UBAC1: variants seen among roughly 807,000 people sequenced by gnomAD.
The protein encoded by UBAC1 is ubiquitin-associated domain-containing protein 1.
A neutral mutation model predicts 45.9 loss-of-function variants in UBAC1; 27 were observed. The observed-to-expected ratio is 0.59, with a 90% CI of 0.43 to 0.81. The LOEUF (loss-of-function observed/expected upper bound fraction) is 0.81, where lower values mean the gene tolerates loss of function less well. Ranked by LOEUF, UBAC1 falls within the 30% of genes least tolerant of loss-of-function variation. UBAC1 has a pLI of 0.00. For missense variants in UBAC1, 529 were observed against 539.2 expected, an observed-to-expected ratio of 0.98 and a Z score of 0.19; for synonymous variants, 227 against 215.5, an observed-to-expected ratio of 1.05 and a Z score of -0.47.
chr9:135,945,262 G>C lies in UBAC1; in HGVS notation c.654-12C>G. 2.6e-6 allele frequency: 4 copies of C among 1,564,112 alleles called. No homozygotes were observed. The highest frequency in any genetic ancestry group is 3.5e-6 in the Non-Finnish European group (4 of 1,154,722). Reference sequence around the variant, plus strand: ...GAGGCACCGACATGCTGCAAGGCAAGAGACTCTTTCCAACATCCCCAGACT... The same window carrying C: ...GAGGCACCGACATGCTGCAAGGCAACAGACTCTTTCCAACATCCCCAGACT... On this transcript the variant is annotated splice_polypyrimidine_tract_variant and intron_variant, in intron 6 of 9. Coordinates refer to ENST00000371756, the MANE Select transcript of UBAC1 (RefSeq NM_016172.3).
At chr9:135,949,922 A>G (rs1343254302) in intron 3 of UBAC1, among the ~76,000 whole-genome samples, 1 of 152,220 alleles carries the variant, frequency 6.6e-6, no homozygotes, top group African/African-American at 2.4e-5. Context: ...GAGAGATTCA[A>G]CACTTCAGAA....
intron 7 of UBAC1, 142 bp from the exon 8 acceptor site, chr9:135,939,901 T>C: frequency 1.5e-6 from 1 of 676,892 alleles, no homozygotes; most frequent in East Asian, 2.5e-5. Context: ...TCCACGTTCT[T>C]TCCTCACAGC....
At chr9:135,959,359 G>T (rs1481661260) in intron 1 of UBAC1, among the ~76,000 whole-genome samples, 1 of 147,082 alleles carries the variant, frequency 6.8e-6, no homozygotes, top group East Asian at 2.0e-4. Flanking sequence ...AAGTTTCTAG[G>T]GTTTTTTGTC....
chr9:135,958,120 C>A (rs1839489841), intron 1 of UBAC1, among the ~76,000 whole-genome samples: 2 of 150,306 alleles, frequency 1.3e-5, no homozygotes, highest in South Asian at 4.2e-4. Flanking sequence ...GATCTCGGCT[C>A]ACTGCAAGTC....
chr9:135,938,050 C>T (rs2131081046), intron 9 of UBAC1, among the ~76,000 whole-genome samples, 172 bp downstream of exon 9: 1 of 152,312 alleles, frequency 6.6e-6, no homozygotes, highest in African/African-American at 2.4e-5. Context: ...CCCACAGTGA[C>T]GTAGCGGGAC....
chr9:135,948,013 G>A (rs1802839006), intron 3 of UBAC1, 108 bp from the exon 4 acceptor site: 4 of 1,023,072 alleles, frequency 3.9e-6, no homozygotes, highest in Middle Eastern at 2.1e-4. Flanking sequence ...GTCTCCTTTA[G>A]GAGCCAGAGG....
chr9:135,940,332 C>A lies in UBAC1; in HGVS notation c.877-573G>T, dbSNP rs188244004. On this transcript the variant is annotated intron_variant, in intron 7 of 9. Coordinates refer to ENST00000371756, the MANE Select transcript of UBAC1 (RefSeq NM_016172.3). ...CGGTGGCTCACACCTGTAATCCCAG[C>A]ACTTTGGGAGGCCGAGGCAGGCGGA... is the stretch of plus-strand genomic sequence containing the variant. Among the ~76,000 whole-genome samples, 215 of 151,784 alleles carry A rather than the reference C, an allele frequency of 1.4e-3. 2 individuals carry two copies. Among genetic ancestry groups the A allele is most frequent in the Admixed American group, 0.013 (198 of 15,270 alleles).
chr9:135,933,676 CCA>C (rs1331131620), intron 9 of UBAC1, among the ~76,000 whole-genome samples, 161 bp from the exon 10 acceptor site: 1 of 152,170 alleles, frequency 6.6e-6, no homozygotes, highest in Non-Finnish European at 1.5e-5. Flanking sequence ...AGGCTGAAAC[CCA>C]CCCAACTCCA....
chr9:135,943,773 T>C (rs1170939208), intron 7 of UBAC1, among the ~76,000 whole-genome samples: 1 of 152,208 alleles, frequency 6.6e-6, no homozygotes, highest in Non-Finnish European at 1.5e-5. Context: ...ATATACACCA[T>C]GGAATACTAT....
At chr9:135,939,180 G>A (rs1005719480) in intron 8 of UBAC1, among the ~76,000 whole-genome samples, 2 of 149,912 alleles carry the variant, frequency 1.3e-5, no homozygotes, top group African/African-American at 4.9e-5. Flanking sequence ...CAGCCTGGGG[G>A]ACAGAGTGAG....
intron 8 of UBAC1, 96 bp downstream of exon 8, chr9:135,939,577 C>G: frequency 8.1e-7 from 1 of 1,240,732 alleles, no homozygotes; most frequent in Middle Eastern, 2.0e-4. Context: ...CACACTCACT[C>G]ACCACAGCCC....
chr9:135,933,869 A>T (rs973030523), intron 9 of UBAC1, among the ~76,000 whole-genome samples: 1 of 152,202 alleles, frequency 6.6e-6, no homozygotes, highest in Non-Finnish European at 1.5e-5. Context: ...CGAGAAGGTC[A>T]GCAGATGCAG....
intron 7 of UBAC1, among the ~76,000 whole-genome samples, chr9:135,940,599 C>G (rs1839258924): frequency 6.6e-6 from 1 of 151,020 alleles, no homozygotes; most frequent in Non-Finnish European, 1.5e-5. Context: ...AAAAAAAAAT[C>G]CTAAAACTAA....
rs767849206 is a variant in UBAC1 at position 135,945,087 on chromosome 9, C to T, written c.817G>A (p.Glu273Lys). Reference sequence around the variant, plus strand: ...ATCTTCTTGAAGATTTCCGTCAGCTCATCTCTGGCCTCCTCATCGGTGGCG... The same window carrying T: ...ATCTTCTTGAAGATTTCCGTCAGCTTATCTCTGGCCTCCTCATCGGTGGCG... ...ASATDEEARD[E>K]LTEIFKKIRR... Residue 273 changes from glutamate (E) to lysine (K), a missense_variant, in exon 7 of 10, where the codon GAG becomes AAG. Physicochemically the swap from Glu to Lys is moderately conservative, Grantham distance 56 (BLOSUM62 1). Coordinates refer to ENST00000371756, the MANE Select transcript of UBAC1 (RefSeq NM_016172.3). The T allele has an allele frequency of 1.8e-5, 29 of 1,607,358 alleles. No individual in the cohort carries two copies. The highest frequency in any genetic ancestry group is 2.5e-5 in the Non-Finnish European group (29 of 1,175,440).
intron 3 of UBAC1, among the ~76,000 whole-genome samples, chr9:135,953,293 A>G (rs988220192): frequency 2.0e-5 from 3 of 152,058 alleles, no homozygotes; most frequent in Non-Finnish European, 2.9e-5. Context: ...GAACTTCTTT[A>G]TAATTCTTTT....
chr9:135,954,235 C>T (rs1588536089), intron 2 of UBAC1, among the ~76,000 whole-genome samples: 1 of 152,010 alleles, frequency 6.6e-6, no homozygotes, highest in East Asian at 1.9e-4. Flanking sequence ...CACTTGAGCC[C>T]AGGAGTTCAA....
chr9:135,938,605 G>A (rs1459023770), intron 8 of UBAC1, among the ~76,000 whole-genome samples: 1 of 152,260 alleles, frequency 6.6e-6, no homozygotes, highest in African/African-American at 2.4e-5. Flanking sequence ...GGTGTCGCAG[G>A]GATCACTGAC....
At chr9:135,937,569 G>A (rs1023440394) in intron 9 of UBAC1, among the ~76,000 whole-genome samples, 6 of 151,966 alleles carry the variant, frequency 3.9e-5, no homozygotes, top group African/African-American at 1.5e-4. Context: ...AGTCACAGAG[G>A]CCTGCTTAAA....
Position 135,959,872 on chromosome 9 carries a change from C to G in UBAC1, c.138+1153G>C, listed in dbSNP as rs894840324. Among the ~76,000 whole-genome samples the G allele has an allele frequency of 1.2e-4, 18 of 152,260 alleles. 1 individual carries two copies. Among genetic ancestry groups the G allele is most frequent in the Admixed American group, 1.0e-3 (16 of 15,286 alleles). Reference sequence around the variant, plus strand: ...CGGCCCTTGAACGCAGGAGGCTCAGCCCCCTCCTTGGTGTGAATCCTGAGG... The same window carrying G: ...CGGCCCTTGAACGCAGGAGGCTCAGGCCCCTCCTTGGTGTGAATCCTGAGG... On this transcript the variant is annotated intron_variant, in intron 1 of 9. Coordinates refer to ENST00000371756, the MANE Select transcript of UBAC1 (RefSeq NM_016172.3).
Sources: gnomAD v4.1 joint callset for allele counts (sites outside exome capture counted in the v4.1 genomes callset) on GRCh38, gnomAD v4.1.1 for gene constraint, MANE v1.5 for transcripts, NCBI Gene and HGNC (gene_info 2026-07-23, HGNC 2026-07-21) for gene names.